The following MKNK2 variants were observed in gnomAD, a reference collection of about 807,000 sequenced individuals.
The protein encoded by MKNK2 is MAP kinase-interacting serine/threonine-protein kinase 2.
MKNK2 carries 54 observed loss-of-function variants against 55.0 expected under a neutral mutation model. The observed-to-expected ratio is 0.98, with a 90% CI of 0.79 to 1.23. The LOEUF (loss-of-function observed/expected upper bound fraction) is 1.23, where lower values mean the gene tolerates loss of function less well. Ranked by LOEUF, MKNK2 falls within the 50% of genes most tolerant of loss-of-function variation. MKNK2 has a pLI of 0.00. For missense variants in MKNK2, 685 were observed against 632.1 expected (o/e 1.08, Z -0.90); for synonymous variants, 323 against 256.0 (o/e 1.26, Z -2.50).
Position 2,041,108 on chromosome 19 carries a change from G to A in MKNK2, c.1042C>T (p.Leu348=). Residue 348 remains leucine (L), a synonymous_variant, in exon 12 of 14, where the codon CTG becomes TTG. Transcript: ENST00000250896. Reference sequence around the variant, plus strand: ...CTCTGCTTGGCGTCACGGACCAGCAGCTTGGAGATGAGGTCTTTGGCAGCG... The same window carrying A: ...CTCTGCTTGGCGTCACGGACCAGCAACTTGGAGATGAGGTCTTTGGCAGCG... The part of the protein sequence containing the change: ...SCAAKDLISK[L]LVRDAKQRLS... The A allele has an allele frequency of 6.2e-7, 1 of 1,614,098 alleles. No homozygotes were observed. The highest frequency in any genetic ancestry group is 8.5e-7 in the Non-Finnish European group (1 of 1,179,974).
At chr19:2,041,789 G>GGCCCGGGGGAGGAGGGT in intron 11 of MKNK2, 51 bp downstream of exon 11, 1 of 1,440,698 alleles carries the variant, frequency 6.9e-7, no homozygotes, top group Non-Finnish European at 9.2e-7. Context: ...GTTCAGGGCA[G>GGCCCGGGGGAGGAGGGT]GCCCGGGGGA....
rs528858941 is a variant in MKNK2, at chr19:2,044,364, C to T, written c.340-782G>A. ...CCTGGTTGGCTGTCCCAGCCACTGG[C>T]GGATCCAGCCTCCCTGAGCCCCAGA... On this transcript the variant is annotated intron_variant, in intron 5 of 13. Coordinates refer to ENST00000250896, the MANE Select transcript of MKNK2 (RefSeq NM_199054.3). Among the ~76,000 whole-genome samples the T allele has an allele frequency of 1.9e-3, 288 of 152,360 alleles. 2 individuals carry two copies. The Middle Eastern group carries it at 0.041, about 22-fold the overall frequency.
chr19:2,046,800 G>T, intron 2 of MKNK2, 109 bp from the exon 3 acceptor site: 1 of 830,246 alleles, frequency 1.2e-6, no homozygotes, highest in Non-Finnish European at 1.8e-6. Context: ...GCCCTGCGCT[G>T]AGCATTACGG....
At position 2,038,000 on chromosome 19, in the gene MKNK2, T is replaced by G. The variant is rs1599375882; in HGVS notation, c.*1613A>C. The G allele has an allele frequency of 7.4e-7, 1 of 1,356,778 alleles. No individual in the cohort carries two copies. Among genetic ancestry groups the G allele is most frequent in the Non-Finnish European group, 9.5e-7 (1 of 1,047,174 alleles). The allele number at this position is 1,356,778 out of a possible 1,614,324, so 84.0% of individuals were successfully genotyped here. ...CATGGAATCACTGACAGGCGAGAAG[T>G]GATGGGGGAAAGGGGTGGGCGGAAT... is the stretch of plus-strand genomic sequence containing the variant. On this transcript the variant is annotated 3_prime_UTR_variant, in exon 14 of 14. Coordinates refer to ENST00000250896, the MANE Select transcript of MKNK2 (RefSeq NM_199054.3).
At chr19:2,046,512 G>A in intron 3 of MKNK2, 44 bp from the exon 4 acceptor site, 1 of 1,572,246 alleles carries the variant, frequency 6.4e-7, no homozygotes, top group Non-Finnish European at 8.6e-7. Flanking sequence ...CATGGCCCTG[G>A]CCGGCCGGCC....
Position 2,039,582 on chromosome 19 carries a change from G to A in MKNK2, c.*31C>T, listed in dbSNP as rs777357313. The A allele has an allele frequency of 1.9e-6, 3 of 1,579,676 alleles. No individual in the cohort carries two copies. The highest frequency in any genetic ancestry group is 2.6e-6 in the Non-Finnish European group (3 of 1,157,964). On this transcript the variant is annotated 3_prime_UTR_variant, in exon 14 of 14. Transcript: ENST00000250896. ...ACCTTTAGATTTGATTGGGGGACGG[G>A]TGACCTATGTACAGAGGGGAGATGG...
chr19:2,049,534 T>C (rs80227849), intron 2 of MKNK2, among the ~76,000 whole-genome samples: 3,557 of 152,202 alleles, frequency 0.023, 61 homozygotes, highest in Middle Eastern at 0.054. Context: ...TCCTGGGCAG[T>C]GTGGGCGGTC....
chr19:2,051,184 GCGCCGCCGC>G lies in MKNK2; in HGVS notation c.-194_-186del, dbSNP rs1251216787. 1 of 155,528 alleles carries G rather than the reference GCGCCGCCGC, an allele frequency of 6.4e-6. No homozygotes were observed. The highest frequency in any genetic ancestry group is 1.8e-4 in the South Asian group (1 of 5,706). The allele number at this position is 155,528 out of a possible 1,614,324, so 9.6% of individuals were successfully genotyped here. A position where few individuals can be genotyped will look rare whatever the true frequency, so the allele number is the denominator to read the frequency against. ...CGCTCCGCGGACCGCGCGGGGAACAGCGCCGCCGCCGCCGCCAGCGCGGACCCCTCTACC... is the reference window on the plus strand; with the variant it reads ...CGCTCCGCGGACCGCGCGGGGAACAGCGCCGCCAGCGCGGACCCCTCTACC... On this transcript the variant is annotated 5_prime_UTR_variant, in exon 1 of 14. Coordinates refer to ENST00000250896, the MANE Select transcript of MKNK2 (RefSeq NM_199054.3).
At chr19:2,043,752 G>C (rs912287047) in intron 5 of MKNK2, among the ~76,000 whole-genome samples, 170 bp from the exon 6 acceptor site, 1 of 152,062 alleles carries the variant, frequency 6.6e-6, no homozygotes, top group Admixed American at 6.6e-5. Context: ...AAGGCGGGTG[G>C]ATCATGAGGT....
Position 2,037,654 on chromosome 19 carries a change from T to TTTA in MKNK2, c.*1958_*1959insTAA. 2 of 1,001,888 alleles carry TTTA rather than the reference T, an allele frequency of 2.0e-6. No homozygotes were observed. The highest frequency in any genetic ancestry group is 2.7e-6 in the Non-Finnish European group (2 of 744,342). The allele number at this position is 1,001,888 out of a possible 1,614,324, so 62.1% of individuals were successfully genotyped here. A position where few individuals can be genotyped will look rare whatever the true frequency, so the allele number is the denominator to read the frequency against. On this transcript the variant is annotated 3_prime_UTR_variant, in exon 14 of 14. Transcript: ENST00000250896. ...AGGTTTTTTTTTTTTTTTTGTCTTT[T>TTTA]AAAAACATCGTAACATTAACACATG...
intron 5 of MKNK2, among the ~76,000 whole-genome samples, chr19:2,044,312 C>T (rs147931991): frequency 2.8e-4 from 42 of 152,366 alleles, no homozygotes; most frequent in Non-Finnish European, 1.3e-4. Context: ...TGCCTGCCGC[C>T]TCAGCCAATA....
intron 2 of MKNK2, 123 bp downstream of exon 2, chr19:2,050,678 G>C (rs542942985): frequency 3.3e-6 from 3 of 897,220 alleles, no homozygotes; most frequent in Non-Finnish European, 4.9e-6. Flanking sequence ...GGCAGCCCCG[G>C]GTGTAGGGCG....
At position 2,040,156 on chromosome 19, in the gene MKNK2, G is replaced by A. The variant is rs2016844943; in HGVS notation, c.1132C>T (p.Pro378Ser). ...TACCTCTGCAGGACCATGGGAGTGG[G>A]CAAGGTGTTCTCCGGGGCGCACTGC... Reference protein sequence around the residue: ...VQGCAPENTLPTPMVLQRNSC... With the variant: ...VQGCAPENTLSTPMVLQRNSC... Residue 378 changes from proline (P) to serine (S), a missense_variant, in exon 13 of 14, where the codon CCC (proline) becomes TCC (serine). Pro to Ser is a moderately conservative substitution (Grantham distance 74, BLOSUM62 -1). Transcript: ENST00000250896. 6.3e-7 allele frequency: 1 copy of A among 1,592,224 alleles called. No individual in the cohort carries two copies. The highest frequency in any genetic ancestry group is 8.5e-7 in the Non-Finnish European group (1 of 1,171,204).
intron 5 of MKNK2, among the ~76,000 whole-genome samples, chr19:2,045,069 C>T (rs978229425): frequency 1.4e-4 from 21 of 152,164 alleles, no homozygotes; most frequent in African/African-American, 4.8e-4. Flanking sequence ...CAGGACACCT[C>T]CTCCTCCCAC....
intron 5 of MKNK2, 147 bp downstream of exon 5, chr19:2,046,039 C>G: frequency 1.3e-6 from 1 of 750,720 alleles, no homozygotes; most frequent in Non-Finnish European, 2.2e-6. Flanking sequence ...ACTGTCATTC[C>G]CGACTGGACT....
intron 5 of MKNK2, 95 bp downstream of exon 5, chr19:2,046,091 G>T: frequency 7.8e-7 from 1 of 1,280,352 alleles, no homozygotes; most frequent in Non-Finnish European, 1.1e-6. Context: ...CTTCCCGGCT[G>T]TAGGACGGAC....
intron 2 of MKNK2, among the ~76,000 whole-genome samples, chr19:2,047,338 C>T (rs1455962866): frequency 6.6e-6 from 1 of 152,172 alleles, no homozygotes; most frequent in Non-Finnish European, 1.5e-5. Flanking sequence ...AAAGATGGGC[C>T]CCAACCTCCA....
chr19:2,042,902 G>A lies in MKNK2; in HGVS notation c.494-32C>T, dbSNP rs1463050042. ...AGGGCAGGGCAGGGCAGGACAGGGG[G>A]AACACGCAGGTCACCTCAAAGTCCC... On this transcript the variant is annotated intron_variant, in intron 7 of 13. Transcript: ENST00000250896. The A allele has an allele frequency of 2.6e-6, 4 of 1,539,992 alleles. No homozygotes were observed. In the Admixed American group the frequency reaches 5.9e-5, roughly 23 times the overall value.
chr19:2,038,190 GC>G lies in MKNK2; in HGVS notation c.*1422del. 2 of 1,013,538 alleles carry G rather than the reference GC, an allele frequency of 2.0e-6. No individual in the cohort carries two copies. Among genetic ancestry groups the G allele is most frequent in the Non-Finnish European group, 1.2e-6 (1 of 849,284 alleles). The allele number at this position is 1,013,538 out of a possible 1,614,324, so 62.8% of individuals were successfully genotyped here. A position where few individuals can be genotyped will look rare whatever the true frequency, so the allele number is the denominator to read the frequency against. ...CGGTCTCCGAGGCCCCCACCCCCAG[GC>G]CCCCCGACATTCAAGTATTCTTCAA... is the stretch of plus-strand genomic sequence containing the variant. On this transcript the variant is annotated 3_prime_UTR_variant, in exon 14 of 14. Coordinates refer to ENST00000250896, the MANE Select transcript of MKNK2 (RefSeq NM_199054.3).
Sources: gnomAD v4.1 joint callset for allele counts (sites outside exome capture counted in the v4.1 genomes callset) on GRCh38, gnomAD v4.1.1 for gene constraint, MANE v1.5 for transcripts, NCBI Gene and HGNC (gene_info 2026-07-23, HGNC 2026-07-21) for gene names.